Variants in PIGG observed in about 807,000 individuals in gnomAD.
PIGG encodes the protein phosphatidylinositol glycan anchor biosynthesis class G (EMM blood group).
A neutral mutation model predicts 83.2 loss-of-function variants in PIGG; 70 were observed. The observed-to-expected ratio is 0.84, with a 90% CI of 0.69 to 1.03. The LOEUF is 1.03. PIGG is among the 50% of genes least tolerant of loss of function. The probability of loss-of-function intolerance (pLI) is 0.00; values close to 1 mark genes in which losing one functional copy is unlikely to be tolerated. For missense variants in PIGG, 1,257 were observed against 1,233.6 expected (o/e 1.02, Z -0.28); for synonymous variants, 532 against 519.5 (o/e 1.02, Z -0.33).
intron 9 of PIGG, chr4:525,071 C>A: frequency 2.4e-6 from 1 of 409,274 alleles, no homozygotes; most frequent in Non-Finnish European, 3.3e-6. Flanking sequence ...AGGACGGGGT[C>A]AGCCAGGCAA....
At chr4:508,548 G>T (rs1384870310) in intron 4 of PIGG, among the ~76,000 whole-genome samples, 5 of 152,218 alleles carry the variant, frequency 3.3e-5, no homozygotes, top group Non-Finnish European at 7.3e-5. Flanking sequence ...CAGCTTGGCA[G>T]TGGCAAAGAC....
chr4:535,999 G>A (rs987616463), intron 12 of PIGG, among the ~76,000 whole-genome samples: 1 of 152,204 alleles, frequency 6.6e-6, no homozygotes, highest in Non-Finnish European at 1.5e-5. Context: ...CAGGGCCCAC[G>A]CACCCAGGCA....
At chr4:523,937 C>T (rs1225828216) in intron 9 of PIGG, 24 bp downstream of exon 9, 15 of 1,435,376 alleles carry the variant, frequency 1.0e-5, no homozygotes, top group Non-Finnish European at 1.4e-5. Context: ...CCCGTGGCCA[C>T]AGGCCAGACT....
At chr4:514,629 A>C (rs762208223) in intron 5 of PIGG, among the ~76,000 whole-genome samples, 9 of 152,226 alleles carry the variant, frequency 5.9e-5, no homozygotes, top group Non-Finnish European at 1.0e-4. Flanking sequence ...CAGAAAGAAG[A>C]AATTGTTTTA....
intron 2 of PIGG, among the ~76,000 whole-genome samples, chr4:502,782 G>C (rs1553876588): frequency 6.6e-6 from 1 of 151,964 alleles, no homozygotes; most frequent in South Asian, 2.1e-4. Flanking sequence ...TGAGGGAGGT[G>C]CCTTGTAAAA....
intron 6 of PIGG, among the ~76,000 whole-genome samples, chr4:520,091 G>C (rs1725307367): frequency 6.6e-6 from 1 of 152,258 alleles, no homozygotes; most frequent in Admixed American, 6.5e-5. Context: ...CTGGACCTCA[G>C]TGGCTTGAGC....
intron 5 of PIGG, among the ~76,000 whole-genome samples, chr4:513,707 T>C (rs567144640): frequency 6.6e-6 from 1 of 152,290 alleles, no homozygotes; most frequent in South Asian, 2.1e-4. Flanking sequence ...GCTGCTGGGC[T>C]GTGGGAATGG....
Position 523,721 on chromosome 4 carries a change from C to G in PIGG, c.1877C>G (p.Pro626Arg). ...DGATAAWQDGPGCDVLERDKG... is the reference protein window; with the variant it reads ...DGATAAWQDGRGCDVLERDKG... ...GCCACAGCAGCGTGGCAGGACGGGC[C>G]TGGCTGTGATGTCCTGGAGCGAGAC... Residue 626 changes from proline to arginine, a missense_variant, in exon 9 of 13, where the codon CCT becomes CGT. Transcript: ENST00000453061. 6.2e-7 allele frequency: 1 copy of G among 1,614,208 alleles called. No homozygotes were observed. The highest frequency in any genetic ancestry group is 1.1e-5 in the South Asian group (1 of 91,088).
Position 527,114 on chromosome 4 carries a change from G to T in PIGG, c.2145G>T (p.Gly715=), listed in dbSNP as rs1326450849. 6.2e-7 allele frequency: 1 copy of T among 1,614,046 alleles called. No individual in the cohort carries two copies. Among genetic ancestry groups the T allele is most frequent in the Non-Finnish European group, 8.5e-7 (1 of 1,180,016 alleles). Residue 715 remains glycine, a synonymous_variant, in exon 10 of 13, where the codon GGG becomes GGT. Transcript: ENST00000453061. Reference sequence around the variant, plus strand: ...TAGTTTTTGTGCTGGTGCAGAGGGGGTGCTCCCCTGTGTCCAAGGCTGCCC... The same window carrying T: ...TAGTTTTTGTGCTGGTGCAGAGGGGTTGCTCCCCTGTGTCCAAGGCTGCCC... ...LLVVFVLVQR[G]CSPVSKAALA...
intron 11 of PIGG, 73 bp downstream of exon 11, chr4:530,818 A>G: frequency 9.4e-7 from 1 of 1,068,884 alleles, no homozygotes; most frequent in Non-Finnish European, 1.4e-6. Context: ...TCTTTGAGAA[A>G]ATGTTCCCAT....
In PIGG at chr4:515,964, T is replaced by G; in HGVS notation, c.902-9T>G. The G allele has an allele frequency of 6.2e-7, 1 of 1,608,888 alleles. No individual in the cohort carries two copies. The highest frequency in any genetic ancestry group is 1.1e-5 in the South Asian group (1 of 90,934). On this transcript the variant is annotated splice_polypyrimidine_tract_variant and intron_variant, in intron 5 of 12. Transcript: ENST00000453061. This position sits in a 1 kb window ranked among gnomAD's most constrained non-coding sequence, Gnocchi z 4.2. The stretch of plus-strand genomic sequence containing the variant: ...AAGTCTGTTACTTAAAATGTTTTCT[T>G]TCTTCTAGGTGATATCCGACATCCA...
chr4:505,232 A>G (rs1224412167), intron 2 of PIGG, among the ~76,000 whole-genome samples: 1 of 152,068 alleles, frequency 6.6e-6, no homozygotes, highest in Non-Finnish European at 1.5e-5. Context: ...TCAGCTGGAA[A>G]GATTATTAGG....
At chr4:527,533 G>T in intron 10 of PIGG, 1 of 1,116,326 alleles carries the variant, frequency 9.0e-7, no homozygotes, top group Admixed American at 4.5e-5. Flanking sequence ...GTGTGTGATG[G>T]GACAGACAGA....
At chr4:511,083 C>T (rs1721748657) in intron 5 of PIGG, among the ~76,000 whole-genome samples, 1 of 152,074 alleles carries the variant, frequency 6.6e-6, no homozygotes, top group Non-Finnish European at 1.5e-5. Flanking sequence ...CACCTGAGAT[C>T]GGGAGTTCGA....
At chr4:514,569 G>C (rs1194137286) in intron 5 of PIGG, among the ~76,000 whole-genome samples, 1 of 152,164 alleles carries the variant, frequency 6.6e-6, no homozygotes, top group African/African-American at 2.4e-5. Flanking sequence ...CAAGATCACT[G>C]TCTCAGAGCT....
At position 507,475 on chromosome 4, in the gene PIGG, A is replaced by G. The variant is rs782157451; in HGVS notation, c.641A>G (p.His214Arg). The G allele has an allele frequency of 4.3e-6, 7 of 1,613,896 alleles. No homozygotes were observed. In the African/African-American group the frequency reaches 5.3e-5, roughly 12 times the overall value. ...KRGDWDILIL[H>R]YLGLDHIGHI... Reference sequence around the variant, plus strand: ...GGAGATTGGGACATATTAATCCTCCACTACCTGGGGCTGGACCACATTGGC... The same window carrying G: ...GGAGATTGGGACATATTAATCCTCCGCTACCTGGGGCTGGACCACATTGGC... The change falls in exon 4 of 13, where the codon CAC (histidine) becomes CGC (arginine). Residue 214 changes from histidine (H) to arginine (R), a missense_variant. Transcript: ENST00000453061.
rs1729705358 is a variant in PIGG at position 533,884 on chromosome 4, G to A, written c.2638G>A (p.Glu880Lys). 1 of 1,614,214 alleles carries A rather than the reference G, an allele frequency of 6.2e-7. No individual in the cohort carries two copies. Among genetic ancestry groups the A allele is most frequent in the South Asian group, 1.1e-5 (1 of 91,090 alleles). ...AGFVGLDTYV[E>K]IPAVLLTAFG... is the part of the protein sequence containing the mutation. ...CTTCGTGGGCTTAGACACCTACGTG[G>A]AAATCCCAGCCGTGCTCCTGACAGC... Residue 880 changes from glutamate (E) to lysine (K), a missense_variant, in exon 12 of 13, where the codon GAA becomes AAA. By Grantham distance (56) the Glu-to-Lys change is moderately conservative. Transcript: ENST00000453061.
rs148984320 is a variant in PIGG, at chr4:527,152, T to A, written c.2183T>A (p.Leu728Gln). The A allele has an allele frequency of 5.6e-6, 9 of 1,613,944 alleles. No homozygotes were observed. Among genetic ancestry groups the A allele is most frequent in the African/African-American group, 2.7e-5 (2 of 74,930 alleles). ...PVSKAALALG[L>Q]LGVYCYRAAI... ...TCCAAGGCTGCCCTGGCGCTGGGGCTGCTGGGCGTCTACTGCTACCGGGCG... is the reference window on the plus strand; with the variant it reads ...TCCAAGGCTGCCCTGGCGCTGGGGCAGCTGGGCGTCTACTGCTACCGGGCG... Residue 728 changes from leucine (L) to glutamine (Q), a missense_variant, in exon 10 of 13, where the codon CTG becomes CAG. Leu to Gln is a moderately radical substitution (Grantham distance 113, BLOSUM62 -2). Coordinates refer to ENST00000453061, the MANE Select transcript of PIGG (RefSeq NM_001127178.3).
chr4:503,428 A>G (rs1718465582), intron 2 of PIGG, among the ~76,000 whole-genome samples: 1 of 152,154 alleles, frequency 6.6e-6, no homozygotes, highest in Admixed American at 6.5e-5. Flanking sequence ...CTTCATCCTC[A>G]TATAGGCCCC....
Sources: gnomAD v4.1 joint callset for allele counts (sites outside exome capture counted in the v4.1 genomes callset) on GRCh38, gnomAD v4.1.1 for gene constraint, Gnocchi (gnomAD v3.1) non-coding constraint, MANE v1.5 for transcripts, NCBI Gene and HGNC (gene_info 2026-07-23, HGNC 2026-07-21) for gene names.